APAF1: variants seen among roughly 807,000 people sequenced by gnomAD.
APAF1 encodes apoptotic peptidase activating factor 1, also known as apoptotic protease-activating factor 1.
APAF1 carries 91 observed loss-of-function variants against 152.4 expected under a neutral mutation model. The observed-to-expected ratio is 0.60, with a 90% CI of 0.50 to 0.71. APAF1 has a LOEUF of 0.71. Among genes scored for constraint, APAF1 ranks in the 30% least tolerant of loss-of-function variants. The pLI, the probability that APAF1 is intolerant of heterozygous loss-of-function variation, is 0.00. For synonymous variants in APAF1, 484 were observed against 494.1 expected, an observed-to-expected ratio of 0.98 and a Z score of 0.27; for missense variants, 1,283 against 1,472.0, an observed-to-expected ratio of 0.87 and a Z score of 2.10.
At chr12:98,699,894 G>A (rs1199900991) in intron 17 of APAF1, among the ~76,000 whole-genome samples, 4 of 152,160 alleles carry the variant, frequency 2.6e-5, no homozygotes, top group African/African-American at 9.7e-5. Flanking sequence ...TTCCTCAAAT[G>A]TATTTAAAAC....
intron 22 of APAF1, among the ~76,000 whole-genome samples, chr12:98,718,123 C>T (rs1192552554): frequency 1.3e-5 from 2 of 152,184 alleles, no homozygotes; most frequent in Non-Finnish European, 2.9e-5. Flanking sequence ...TGCTGGTGCC[C>T]TTAAATTCAG....
intron 16 of APAF1, among the ~76,000 whole-genome samples, chr12:98,690,016 A>G (rs1263133851): frequency 2.6e-5 from 4 of 152,154 alleles, no homozygotes; most frequent in African/African-American, 9.7e-5. Flanking sequence ...ACAGAATTGT[A>G]CTCAAGTATT....
chr12:98,656,856 C>T (rs2097658368), intron 4 of APAF1, among the ~76,000 whole-genome samples: 1 of 152,228 alleles, frequency 6.6e-6, no homozygotes, highest in Admixed American at 6.5e-5. Flanking sequence ...TTAATACTCC[C>T]TTCTCCAGCT....
intron 4 of APAF1, among the ~76,000 whole-genome samples, chr12:98,658,401 AC>A (rs2097660495): frequency 6.6e-6 from 1 of 152,172 alleles, no homozygotes; most frequent in African/African-American, 2.4e-5. Context: ...AACACTAATA[AC>A]CTGTTTTAAT....
intron 16 of APAF1, among the ~76,000 whole-genome samples, chr12:98,687,090 T>C (rs10860358): frequency 0.39 from 59,559 of 151,986 alleles, 12,466 homozygotes; most frequent in African/African-American, 0.56. Flanking sequence ...GTAGGCTGGG[T>C]GCGGTGGCTC....
In APAF1 at chr12:98,659,234, A is replaced by G. The variant is rs374500915; in HGVS notation, c.601A>G (p.Asn201Asp). 6.2e-7 allele frequency: 1 copy of G among 1,614,064 alleles called. No individual in the cohort carries two copies. Among genetic ancestry groups the G allele is most frequent in the Non-Finnish European group, 8.5e-7 (1 of 1,180,032 alleles). ...DKSGLLMKLQNLCTRLDQDES... is the reference protein window; with the variant it reads ...DKSGLLMKLQDLCTRLDQDES... ...ATCTGGGCTTCTGATGAAACTGCAG[A>G]ATCTTTGCACACGGTTGGATCAGGA... Residue 201 changes from asparagine (N) to aspartate (D), a missense_variant, in exon 5 of 27, where the codon AAT (asparagine) becomes GAT (aspartate). Transcript: ENST00000551964.
intron 4 of APAF1, among the ~76,000 whole-genome samples, chr12:98,652,856 C>A (rs2097650677): frequency 6.6e-6 from 1 of 152,152 alleles, no homozygotes; most frequent in South Asian, 2.1e-4. Flanking sequence ...GAACTCCCGA[C>A]CTCAGGTGAT....
rs200533513 is a variant in APAF1 at position 98,649,589 on chromosome 12, A to C, written c.431A>C (p.Lys144Thr). ...ATTCAGCAGAAGCTCTCCAAATTGAAAGGTGAACCAGGATGGGTCACCATA... is the reference window on the plus strand; with the variant it reads ...ATTCAGCAGAAGCTCTCCAAATTGACAGGTGAACCAGGATGGGTCACCATA... ...NAIQQKLSKL[K>T]GEPGWVTIHG... is the part of the protein sequence containing the mutation. The change falls in exon 4 of 27, where the codon AAA (lysine) becomes ACA (threonine). Residue 144 changes from lysine (K) to threonine (T), a missense_variant. By Grantham distance (78) the Lys-to-Thr change is moderately conservative (BLOSUM62 -1). Transcript: ENST00000551964. The C allele has an allele frequency of 9.9e-5, 160 of 1,614,110 alleles. No homozygotes were observed. Among genetic ancestry groups the C allele is most frequent in the Middle Eastern group, 3.3e-4 (2 of 6,084 alleles).
chr12:98,710,871 C>T (rs576033687), intron 20 of APAF1, among the ~76,000 whole-genome samples: 1 of 149,692 alleles, frequency 6.7e-6, no homozygotes, highest in Non-Finnish European at 1.5e-5. Flanking sequence ...CGTCTTTGAG[C>T]CTCAGTTTGT....
rs138872414 is a variant in APAF1 at position 98,708,198 on chromosome 12, G to T, written c.2722-387G>T. Among the ~76,000 whole-genome samples, 49 of 152,272 alleles carry T rather than the reference G, an allele frequency of 3.2e-4. No homozygotes were observed. In the East Asian group the frequency reaches 6.9e-3, roughly 22 times the overall value. On this transcript the variant is annotated intron_variant, in intron 19 of 26. Transcript: ENST00000551964. ...GACCTCAGGTGATCTACCCGCCTTG[G>T]CCTCCCAAAGTGCTGGGATTACAGG...
chr12:98,727,033 TTAG>T, intron 25 of APAF1, 137 bp from the exon 26 acceptor site: 1 of 714,822 alleles, frequency 1.4e-6, no homozygotes, highest in South Asian at 1.8e-5. Flanking sequence ...AATGGCAATA[TTAG>T]TATCTGTGTT....
intron 16 of APAF1, 95 bp from the exon 17 acceptor site, chr12:98,699,313 G>C: frequency 8.1e-7 from 1 of 1,237,440 alleles, no homozygotes. Context: ...CAAGTGAAGT[G>C]AATAAGTTTA....
intron 12 of APAF1, among the ~76,000 whole-genome samples, chr12:98,675,233 A>G (rs529021285): frequency 2.0e-5 from 3 of 152,332 alleles, no homozygotes; most frequent in African/African-American, 2.4e-5. Flanking sequence ...TCTGTTTTCA[A>G]TGAAATTATT....
intron 21 of APAF1, among the ~76,000 whole-genome samples, chr12:98,713,611 A>G (rs2097730556): frequency 6.6e-6 from 1 of 152,242 alleles, no homozygotes; most frequent in African/African-American, 2.4e-5. Flanking sequence ...GGGTAAAAAT[A>G]TTGTTGTCTT....
chr12:98,683,525 A>G (rs182914857), intron 15 of APAF1, among the ~76,000 whole-genome samples: 8 of 152,148 alleles, frequency 5.3e-5, no homozygotes, highest in African/African-American at 1.9e-4. Context: ...CTCAGGCTCT[A>G]CCTCCCTTTC....
intron 4 of APAF1, among the ~76,000 whole-genome samples, chr12:98,653,360 A>T (rs1233872484): frequency 6.6e-6 from 1 of 151,872 alleles, no homozygotes; most frequent in Non-Finnish European, 1.5e-5. Flanking sequence ...AAAGAATATT[A>T]AGTTGTTAAC....
chr12:98,667,652 G>T lies in APAF1; in HGVS notation c.1494+8G>T, dbSNP rs940256623. 6.7e-5 allele frequency: 108 copies of T among 1,611,956 alleles called. No homozygotes were observed. The highest frequency in any genetic ancestry group is 8.6e-5 in the Non-Finnish European group (102 of 1,179,696). ...AGTGCCAAGATGCACAAGGTAAGAT[G>T]ACCCATTTAAAAATTCTTTTATCTG... On this transcript the variant is annotated splice_region_variant and intron_variant, in intron 10 of 26. Coordinates refer to ENST00000551964, the MANE Select transcript of APAF1 (RefSeq NM_181861.2).
Position 98,683,253 on chromosome 12 carries a change from G to A in APAF1, c.2157G>A (p.Gly719=). The part of the protein sequence containing the change: ...NSSHHLLLAT[G]SSDCFLKLWD... ...GTCATCATCTTCTCTTAGCCACTGG[G>A]TCAAGTGACTGCTTCCTCAAAGTAA... Residue 719 remains glycine, a synonymous_variant, in exon 15 of 27, where the codon GGG becomes GGA. Coordinates refer to ENST00000551964, the MANE Select transcript of APAF1 (RefSeq NM_181861.2). 1 of 1,613,892 alleles carries A rather than the reference G, an allele frequency of 6.2e-7. No homozygotes were observed. The highest frequency in any genetic ancestry group is 8.5e-7 in the Non-Finnish European group (1 of 1,179,948).
At chr12:98,694,665 GT>G (rs925992373) in intron 16 of APAF1, among the ~76,000 whole-genome samples, 3 of 151,294 alleles carry the variant, frequency 2.0e-5, no homozygotes, top group East Asian at 1.9e-4. Flanking sequence ...TAGTAATAGG[GT>G]TTTTTTTGAA....
Sources: allele counts gnomAD v4.1 joint callset (sites outside exome capture counted in the v4.1 genomes callset), GRCh38; gene constraint gnomAD v4.1.1; transcripts MANE v1.5; gene names NCBI Gene and HGNC (gene_info 2026-07-23, HGNC 2026-07-21).